The following ARHGEF10 variants were observed in gnomAD, a reference collection of about 807,000 sequenced individuals.
ARHGEF10 encodes Rho guanine nucleotide exchange factor (GEF) 10.
Under a neutral mutation model 147.4 loss-of-function variants are expected in ARHGEF10, and 140 were observed. The ratio of observed to expected loss-of-function variants is 0.95; its 90% CI spans 0.83 to 1.09. The LOEUF is 1.09. ARHGEF10 is among the 50% of genes least tolerant of loss of function. The pLI is 0.00. For synonymous variants in ARHGEF10, 902 were observed against 695.8 expected (o/e 1.30, Z -4.67); for missense variants, 2,222 against 1,752.7 (o/e 1.27, Z -4.78).
intron 14 of ARHGEF10, 33 bp from the exon 15 acceptor site, chr8:1,898,400 G>A (rs1189601622): frequency 6.2e-7 from 1 of 1,603,740 alleles, no homozygotes; most frequent in African/African-American, 1.3e-5. Context: ...TGGCAGCCCT[G>A]CAGGGAGGTG....
chr8:1,836,970 C>T (rs1647790607), intron 1 of ARHGEF10, among the ~76,000 whole-genome samples: 1 of 152,210 alleles, frequency 6.6e-6, no homozygotes, highest in South Asian at 2.1e-4. Context: ...GATTCTGAGG[C>T]CTCCCCAGCC....
chr8:1,950,828 C>A (rs1330949795), intron 27 of ARHGEF10, among the ~76,000 whole-genome samples: 1 of 150,104 alleles, frequency 6.7e-6, no homozygotes, highest in African/African-American at 2.5e-5. Context: ...GATCCACCCA[C>A]CTCGGCCTCC....
At chr8:1,888,523 G>GGA (rs1809003824) in intron 11 of ARHGEF10, among the ~76,000 whole-genome samples, 1 of 136,038 alleles carries the variant, frequency 7.4e-6, no homozygotes, top group African/African-American at 3.2e-5. Flanking sequence ...AGTGGGGTGA[G>GGA]GGGTCTGTGA....
chr8:1,929,200 G>T (rs909847755), intron 24 of ARHGEF10, 86 bp from the exon 25 acceptor site: 70 of 1,441,864 alleles, frequency 4.9e-5, no homozygotes, highest in South Asian at 4.1e-4. Flanking sequence ...GGGAAGAGTT[G>T]AAATGTTTGT....
intron 13 of ARHGEF10, 150 bp from the exon 14 acceptor site, chr8:1,896,183 A>G: frequency 6.3e-6 from 5 of 793,108 alleles, no homozygotes; most frequent in Non-Finnish European, 9.0e-6. Context: ...AAAGAAAAAA[A>G]ATCACACAGT....
intron 1 of ARHGEF10, among the ~76,000 whole-genome samples, chr8:1,842,454 G>C (rs114155147): frequency 2.0e-5 from 3 of 152,184 alleles, no homozygotes; most frequent in Non-Finnish European, 2.9e-5. Flanking sequence ...TGAATAGTAC[G>C]TGAGGCCGGT....
chr8:1,863,820 G>A (rs992485349), intron 4 of ARHGEF10, among the ~76,000 whole-genome samples: 1 of 152,002 alleles, frequency 6.6e-6, no homozygotes, highest in African/African-American at 2.4e-5. Flanking sequence ...GGGAGGAATC[G>A]TCAGGCGGGT....
chr8:1,918,505 T>TGTGTGTGTGTGTGTGTGTGTGTGTG (rs1554505892), intron 18 of ARHGEF10, among the ~76,000 whole-genome samples: 1 of 148,716 alleles, frequency 6.7e-6, no homozygotes, highest in African/African-American at 2.5e-5. Context: ...TGTGTGTGTG[T>TGTGTGTGTGTGTGTGTGTGTGTGTG]TATTTTAAAA....
intron 18 of ARHGEF10, 106 bp from the exon 19 acceptor site, chr8:1,922,855 CCCT>C (rs1812400472): frequency 1.3e-6 from 1 of 749,120 alleles, no homozygotes; most frequent in African/African-American, 1.8e-5. Context: ...CTAGATTCAC[CCCT>C]CAACTTAAAA....
chr8:1,904,957 C>A (rs1247559827), intron 16 of ARHGEF10, among the ~76,000 whole-genome samples: 1 of 152,124 alleles, frequency 6.6e-6, no homozygotes, highest in Non-Finnish European at 1.5e-5. Context: ...CCCGTCTCTA[C>A]TAAAAATACA....
chr8:1,880,736 T>A (rs1445005012), intron 9 of ARHGEF10, among the ~76,000 whole-genome samples: 1 of 152,182 alleles, frequency 6.6e-6, no homozygotes, highest in Non-Finnish European at 1.5e-5. Context: ...CTGAGCGATG[T>A]CTTTTAAAAG....
chr8:1,837,664 G>C (rs1309322318), intron 1 of ARHGEF10, among the ~76,000 whole-genome samples: 1 of 152,182 alleles, frequency 6.6e-6, no homozygotes, highest in Non-Finnish European at 1.5e-5. Context: ...GCCTTGTCTA[G>C]GGCGGGAAGG....
At chr8:1,872,436 A>G (rs1807205891) in intron 7 of ARHGEF10, among the ~76,000 whole-genome samples, 1 of 152,156 alleles carries the variant, frequency 6.6e-6, no homozygotes, top group Non-Finnish European at 1.5e-5. Flanking sequence ...GAAACTTGTA[A>G]ACTCCCTCAC....
chr8:1,921,059 T>C, intron 18 of ARHGEF10, among the ~76,000 whole-genome samples: 1 of 152,204 alleles, frequency 6.6e-6, no homozygotes, highest in East Asian at 1.9e-4. Flanking sequence ...GCACTGGGAT[T>C]ACAGGAGTGA....
chr8:1,889,458 AG>A (rs1351017457), intron 11 of ARHGEF10, among the ~76,000 whole-genome samples: 4 of 29,180 alleles, frequency 1.4e-4, no homozygotes, highest in African/African-American at 2.0e-4. Context: ...GAGTGGGGTG[AG>A]GGGTCTGTGA....
intron 25 of ARHGEF10, among the ~76,000 whole-genome samples, chr8:1,932,470 G>C (rs888249603): frequency 2.0e-5 from 3 of 152,052 alleles, no homozygotes; most frequent in Non-Finnish European, 2.9e-5. Flanking sequence ...ATGTGTGTAT[G>C]TGTGTGACAT....
At chr8:1,908,544 T>G (rs1276231401) in intron 17 of ARHGEF10, among the ~76,000 whole-genome samples, 1 of 152,162 alleles carries the variant, frequency 6.6e-6, no homozygotes, top group Admixed American at 6.5e-5. Context: ...CACTTTGATT[T>G]TTAACGGCAA....
At chr8:1,842,695 C>T (rs536967757) in intron 1 of ARHGEF10, among the ~76,000 whole-genome samples, 3 of 152,348 alleles carry the variant, frequency 2.0e-5, no homozygotes, top group East Asian at 1.9e-4. Context: ...GAGCCAGGCC[C>T]GTGTTTTGTG....
chr8:1,949,699 C>A (rs1006448199), intron 27 of ARHGEF10, among the ~76,000 whole-genome samples: 1 of 151,944 alleles, frequency 6.6e-6, no homozygotes, highest in East Asian at 1.9e-4. Flanking sequence ...TGTAACTTTT[C>A]TGAAGACCAT....
Sources: allele counts gnomAD v4.1 joint callset (sites outside exome capture counted in the v4.1 genomes callset), GRCh38; gene constraint gnomAD v4.1.1; transcripts MANE v1.5; gene names NCBI Gene and HGNC (gene_info 2026-07-23, HGNC 2026-07-21).